ARHGAP44: variants seen among roughly 807,000 people sequenced by gnomAD.
The protein encoded by ARHGAP44 is rho GTPase-activating protein 44.
Under a neutral mutation model 106.8 loss-of-function variants are expected in ARHGAP44, and 43 were observed. That is an observed-to-expected ratio of 0.40 (90% CI 0.32 to 0.52). The LOEUF is 0.52. ARHGAP44 is among the 20% of genes least tolerant of loss of function. ARHGAP44 has a pLI of 0.48. For synonymous variants in ARHGAP44, 439 were observed against 410.3 expected (o/e 1.07, Z -0.85); for missense variants, 866 against 1,050.5 (o/e 0.82, Z 2.43).
intron 1 of ARHGAP44, among the ~76,000 whole-genome samples, chr17:12,859,867 G>A (rs1302673662): frequency 1.3e-5 from 2 of 152,158 alleles, no homozygotes; most frequent in African/African-American, 2.4e-5. Flanking sequence ...AGTTAACACC[G>A]AAAGGAGTGG....
At chr17:12,927,410 A>T (rs1335736727) in intron 6 of ARHGAP44, among the ~76,000 whole-genome samples, 3 of 152,212 alleles carry the variant, frequency 2.0e-5, no homozygotes, top group African/African-American at 7.2e-5. Flanking sequence ...TAGAGAAAAT[A>T]CTAAATGATT....
rs576911200 is a variant in ARHGAP44 at position 12,953,327 on chromosome 17, T to A, written c.1136+746T>A. 2.6e-5 allele frequency among the ~76,000 whole-genome samples: 4 copies of A among 152,304 alleles called. No individual in the cohort carries two copies. In the East Asian group the frequency reaches 5.8e-4, roughly 22 times the overall value. ...GCTTCACACTCTGCTTCTTTACCGCTTTGTCTTGCCAGCACCCATCCCGGC... is the reference window on the plus strand; with the variant it reads ...GCTTCACACTCTGCTTCTTTACCGCATTGTCTTGCCAGCACCCATCCCGGC... On this transcript the variant is annotated intron_variant, in intron 13 of 20. Transcript: ENST00000379672.
At chr17:12,918,247 G>A (rs1461666234) in intron 5 of ARHGAP44, among the ~76,000 whole-genome samples, 2 of 152,172 alleles carry the variant, frequency 1.3e-5, no homozygotes, top group Non-Finnish European at 2.9e-5. Flanking sequence ...GTTGCCTGGG[G>A]ACAGTTACAC....
chr17:12,881,303 C>T (rs919907436), intron 1 of ARHGAP44, among the ~76,000 whole-genome samples: 2 of 151,970 alleles, frequency 1.3e-5, no homozygotes, highest in Middle Eastern at 3.2e-3. Flanking sequence ...TCACCTTTTA[C>T]ATTTAAGTCT....
intron 1 of ARHGAP44, among the ~76,000 whole-genome samples, chr17:12,828,440 A>G (rs1291548540): frequency 6.6e-6 from 1 of 152,082 alleles, no homozygotes. Context: ...ATTATAGCAA[A>G]TGCTCTTTCT....
intron 1 of ARHGAP44, among the ~76,000 whole-genome samples, chr17:12,806,708 A>G (rs1237828905): frequency 6.6e-6 from 1 of 152,220 alleles, no homozygotes; most frequent in Non-Finnish European, 1.5e-5. Flanking sequence ...GGACAAGCCC[A>G]TTTAGGTTTT....
chr17:12,846,057 C>CT (rs112125907), intron 1 of ARHGAP44, among the ~76,000 whole-genome samples: 5 of 151,034 alleles, frequency 3.3e-5, no homozygotes, highest in Non-Finnish European at 5.9e-5. Context: ...TGTTTTTCAC[C>CT]GTTATGAGGA....
chr17:12,842,732 A>G (rs555080474), intron 1 of ARHGAP44, among the ~76,000 whole-genome samples: 1 of 152,372 alleles, frequency 6.6e-6, no homozygotes, highest in South Asian at 2.1e-4. Context: ...TCCTGAAGAC[A>G]GAAAAACAGG....
intron 1 of ARHGAP44, among the ~76,000 whole-genome samples, chr17:12,879,611 A>G (rs2036659762): frequency 6.6e-6 from 1 of 151,598 alleles, no homozygotes; most frequent in Non-Finnish European, 1.5e-5. Flanking sequence ...TAAAAACTTT[A>G]AAGAAGTGTT....
At chr17:12,925,664 CA>C (rs528877175) in intron 6 of ARHGAP44, among the ~76,000 whole-genome samples, 35 of 152,296 alleles carry the variant, frequency 2.3e-4, no homozygotes, top group African/African-American at 8.4e-4. Context: ...CACATAGTCA[CA>C]AGTCCTCTTT....
chr17:12,891,721 A>G (rs1453022506), intron 1 of ARHGAP44, among the ~76,000 whole-genome samples: 1 of 151,920 alleles, frequency 6.6e-6, no homozygotes, highest in Non-Finnish European at 1.5e-5. Flanking sequence ...GTCTGCTGCT[A>G]TCATTATTTT....
chr17:12,828,771 A>G (rs147379198), intron 1 of ARHGAP44, among the ~76,000 whole-genome samples: 5,769 of 150,732 alleles, frequency 0.038, 144 homozygotes, highest in East Asian at 0.06. Flanking sequence ...CCTGCTGAGT[A>G]GCTGGGACTA....
At chr17:12,898,795 G>A (rs12451468) in intron 3 of ARHGAP44, among the ~76,000 whole-genome samples, 7,893 of 152,188 alleles carry the variant, frequency 0.052, 253 homozygotes, top group Admixed American at 0.084. Context: ...CAGCGAGGAC[G>A]TACACTATCT....
chr17:12,896,485 C>T lies in ARHGAP44; in HGVS notation c.172C>T (p.Gln58Ter). 6.2e-7 allele frequency: 1 copy of T among 1,607,942 alleles called. No homozygotes were observed. The highest frequency in any genetic ancestry group is 8.5e-7 in the Non-Finnish European group (1 of 1,177,506). The change falls in exon 3 of 21, where the codon CAA becomes TAA. Residue 58 changes from glutamine (Q) to a stop codon, truncating the protein, a stop_gained. Transcript: ENST00000379672. LOFTEE classifies it high-confidence loss of function. Reference protein sequence around the residue: ...KKLTACLQGQQGAEADKRSKK... With the variant: ...KKLTACLQGQ The stretch of plus-strand genomic sequence containing the variant: ...GCTCACCGCATGTCTGCAGGGCCAG[C>T]AAGGGGCAGAGGCTGACAAGCGCTC...
chr17:12,790,077 C>T, intron 1 of ARHGAP44, 186 bp downstream of exon 1: 1 of 523,402 alleles, frequency 1.9e-6, no homozygotes, highest in Non-Finnish European at 3.2e-6. Flanking sequence ...CCCCGGAGCT[C>T]TTCTCACTCG....
At chr17:12,963,733 A>AC (rs1567712342) in intron 16 of ARHGAP44, among the ~76,000 whole-genome samples, 18 of 128,210 alleles carry the variant, frequency 1.4e-4, no homozygotes, top group Non-Finnish European at 1.8e-4. Flanking sequence ...CGGCCTTGCG[A>AC]AGCCCTGCCA....
intron 7 of ARHGAP44, among the ~76,000 whole-genome samples, chr17:12,934,687 A>G (rs2038493421): frequency 1.3e-5 from 1 of 75,300 alleles, no homozygotes; most frequent in Non-Finnish European, 2.7e-5. Context: ...CTTGGGGGCA[A>G]TGAAATTATT....
chr17:12,889,155 CCTTT>C lies in ARHGAP44; in HGVS notation c.54-5781_54-5778del, dbSNP rs2036968541. Among the ~76,000 whole-genome samples, 13 of 152,048 alleles carry C rather than the reference CCTTT, an allele frequency of 8.5e-5. No homozygotes were observed. In the South Asian group the frequency reaches 2.7e-3, roughly 32 times the overall value. On this transcript the variant is annotated intron_variant, in intron 1 of 20. Transcript: ENST00000379672. ...CTTTCTGTTTTTCATTGCTTGTATT[CCTTT>C]CTTCTTTCTTGTATTCATTTCTTGT...
At chr17:12,806,790 G>A (rs1366291273) in intron 1 of ARHGAP44, among the ~76,000 whole-genome samples, 3 of 152,282 alleles carry the variant, frequency 2.0e-5, no homozygotes, top group South Asian at 4.1e-4. Context: ...GATAAACTTA[G>A]ACACATTTAC....
Sources: allele counts gnomAD v4.1 joint callset (sites outside exome capture counted in the v4.1 genomes callset), GRCh38; gene constraint gnomAD v4.1.1; transcripts MANE v1.5; gene names NCBI Gene and HGNC (gene_info 2026-07-23, HGNC 2026-07-21).